MSANTD3: variants seen among roughly 807,000 people sequenced by gnomAD.
MSANTD3 encodes Myb/SANT DNA binding domain containing 3.
Under a neutral mutation model 27.7 loss-of-function variants are expected in MSANTD3, and 11 were observed. The observed-to-expected ratio is 0.40, with a 90% CI of 0.25 to 0.66. The LOEUF is 0.66. MSANTD3 is among the 30% of genes least tolerant of loss of function. The pLI is 0.41. For missense variants in MSANTD3, 250 were observed against 336.5 expected, an observed-to-expected ratio of 0.74 and a Z score of 2.01; for synonymous variants, 131 against 127.2, an observed-to-expected ratio of 1.03 and a Z score of -0.20.
intron 1 of MSANTD3, among the ~76,000 whole-genome samples, chr9:100,441,016 A>G (rs1338862426): frequency 1.2e-4 from 16 of 130,696 alleles, no homozygotes; most frequent in African/African-American, 4.1e-4. Flanking sequence ...GCTCACTGCA[A>G]CCTCCACCTC....
intron 1 of MSANTD3, among the ~76,000 whole-genome samples, chr9:100,430,625 A>G (rs560375978): frequency 6.6e-6 from 1 of 152,316 alleles, no homozygotes; most frequent in African/African-American, 2.4e-5. Context: ...GGAAGAGGGT[A>G]TGGAAGTTTG....
At chr9:100,432,345 G>A (rs1836395054) in intron 1 of MSANTD3, among the ~76,000 whole-genome samples, 1 of 152,206 alleles carries the variant, frequency 6.6e-6, no homozygotes, top group South Asian at 2.1e-4. Context: ...AGGCAGGTAA[G>A]AGTACTGTCC....
intron 2 of MSANTD3, chr9:100,448,555 G>A: frequency 7.1e-6 from 7 of 985,422 alleles, no homozygotes; most frequent in Non-Finnish European, 8.4e-6. Context: ...GGAGGGATGT[G>A]ACCCACTGCA....
rs756148704 is a variant in MSANTD3, at chr9:100,442,315, C to G, written c.377C>G (p.Pro126Arg). The G allele has an allele frequency of 6.2e-7, 1 of 1,613,848 alleles. No homozygotes were observed. The highest frequency in any genetic ancestry group is 1.1e-5 in the South Asian group (1 of 91,070). Residue 126 changes from proline (P) to arginine (R), a missense_variant, in exon 2 of 3, where the codon CCG becomes CGG. Pro to Arg is a moderately radical substitution (Grantham distance 103, BLOSUM62 -2). Coordinates refer to ENST00000395067, the MANE Select transcript of MSANTD3 (RefSeq NM_080655.3). ...CAGCTCTACTTCCTGCAGAGCCCCC[C>G]GGAGGAGGAGCCCGAATACCACCCC... is the stretch of plus-strand genomic sequence containing the variant. The part of the protein sequence containing the change: ...PEQLYFLQSP[P>R]EEEPEYHPDA...
intron 1 of MSANTD3, among the ~76,000 whole-genome samples, chr9:100,430,029 AC>A (rs566656914): frequency 1.5e-3 from 223 of 146,264 alleles, no homozygotes; most frequent in African/African-American, 5.4e-3. Context: ...ATGCTCCTTT[AC>A]CACCTAACTT....
At position 100,433,086 on chromosome 9, in the gene MSANTD3, A is replaced by C. The variant is rs78712218; in HGVS notation, c.-34+5693A>C. On this transcript the variant is annotated intron_variant, in intron 1 of 2. Coordinates refer to ENST00000395067, the MANE Select transcript of MSANTD3 (RefSeq NM_080655.3). ...TCGGGGAGGCTTGAGAGTACCTAGC[A>C]AAAAGGGCATCTTGATGGTGAGGGG... Among the ~76,000 whole-genome samples the C allele has an allele frequency of 6.7e-3, 1,022 of 152,242 alleles. 7 individuals are homozygous for C. Among genetic ancestry groups the C allele is most frequent in the African/African-American group, 0.024 (990 of 41,536 alleles).
intron 1 of MSANTD3, chr9:100,427,603 C>T (rs1450901348): frequency 4.6e-5 from 7 of 151,822 alleles, no homozygotes; most frequent in Non-Finnish European, 1.0e-4. Flanking sequence ...CTACAAAGCC[C>T]CGGGGCGCGG....
In MSANTD3 at chr9:100,441,841, TC is replaced by T; in HGVS notation, c.-33-64del. ...AGGGAATCAAGTCAGGAATTAAGCT[TC>T]AGTGATTTATAGGCATTGTTTTTGC... is the stretch of plus-strand genomic sequence containing the variant. On this transcript the variant is annotated intron_variant, in intron 1 of 2. Coordinates refer to ENST00000395067, the MANE Select transcript of MSANTD3 (RefSeq NM_080655.3). 2.0e-6 allele frequency: 3 copies of T among 1,479,528 alleles called. No homozygotes were observed. The South Asian group carries it at 4.3e-5, about 21-fold the overall frequency. The allele number at this position is 1,479,528 out of a possible 1,614,324, so 91.7% of individuals were successfully genotyped here.
chr9:100,440,769 CTT>C (rs1160767136), intron 1 of MSANTD3, among the ~76,000 whole-genome samples: 2 of 85,264 alleles, frequency 2.3e-5, no homozygotes, highest in Non-Finnish European at 4.9e-5. Context: ...TTTTTTTCTT[CTT>C]TTTCTTCCCT....
At chr9:100,444,133 C>T (rs77981340) in intron 2 of MSANTD3, 8,678 of 152,292 alleles carry the variant, frequency 0.057, 373 homozygotes, top group South Asian at 0.15. Flanking sequence ...TGTAGGCAGA[C>T]GATCCTGGAG....
At chr9:100,448,126 G>A in intron 2 of MSANTD3, 1 of 769,532 alleles carries the variant, frequency 1.3e-6, no homozygotes, top group South Asian at 6.1e-5. Context: ...GGGAGCCAGA[G>A]ATGGCAGTGA....
intron 2 of MSANTD3, among the ~76,000 whole-genome samples, chr9:100,447,271 T>C (rs756676981): frequency 7.2e-5 from 11 of 152,162 alleles, no homozygotes; most frequent in Non-Finnish European, 1.3e-4. Flanking sequence ...TTTCTATTCA[T>C]TGGAGCTAAT....
intron 1 of MSANTD3, among the ~76,000 whole-genome samples, chr9:100,430,615 G>T (rs941453726): frequency 6.6e-6 from 1 of 152,212 alleles, no homozygotes; most frequent in Admixed American, 6.5e-5. Flanking sequence ...GTAGTTGTGT[G>T]GAAGAGGGTA....
Position 100,440,633 on chromosome 9 carries a change from C to T in MSANTD3, c.-33-1273C>T, listed in dbSNP as rs1836592576. Among the ~76,000 whole-genome samples, 3 of 149,904 alleles carry T rather than the reference C, an allele frequency of 2.0e-5. No homozygotes were observed. The South Asian group carries it at 6.5e-4, about 32-fold the overall frequency. On this transcript the variant is annotated intron_variant, in intron 1 of 2. Transcript: ENST00000395067. ...TTGAGACAGTGTCTCCTTTGTCATCCAGGCTGGAGTGCGGTGGTGCAAACA... is the reference window on the plus strand; with the variant it reads ...TTGAGACAGTGTCTCCTTTGTCATCTAGGCTGGAGTGCGGTGGTGCAAACA...
intron 2 of MSANTD3, chr9:100,444,822 C>T (rs769958272): frequency 2.3e-5 from 4 of 172,248 alleles, no homozygotes; most frequent in Non-Finnish European, 3.7e-5. Context: ...TACTCATAAA[C>T]GTAATTTATA....
chr9:100,427,765 T>G (rs1836277990), intron 1 of MSANTD3, among the ~76,000 whole-genome samples: 1 of 152,148 alleles, frequency 6.6e-6, no homozygotes, highest in Admixed American at 6.5e-5. Context: ...ATCACTGTGC[T>G]CGGCGCTTTT....
chr9:100,443,419 A>ATT (rs1448317071), intron 2 of MSANTD3, among the ~76,000 whole-genome samples: 1 of 151,852 alleles, frequency 6.6e-6, no homozygotes, highest in Non-Finnish European at 1.5e-5. Flanking sequence ...AAAAAGAACT[A>ATT]TTTCAAACTT....
intron 1 of MSANTD3, 34 bp downstream of exon 1, chr9:100,427,427 G>T (rs1050504454): frequency 7.0e-6 from 1 of 141,936 alleles, no homozygotes; most frequent in Non-Finnish European, 1.6e-5. Flanking sequence ...GGCCGCAGCC[G>T]GGCGGGGGCG....
At chr9:100,446,654 C>T (rs1192540958) in intron 2 of MSANTD3, among the ~76,000 whole-genome samples, 1 of 152,006 alleles carries the variant, frequency 6.6e-6, no homozygotes, top group African/African-American at 2.4e-5. Context: ...GGCAAAACTC[C>T]TATCTTTACT....
Sources: gnomAD v4.1 joint callset for allele counts (sites outside exome capture counted in the v4.1 genomes callset) on GRCh38, gnomAD v4.1.1 for gene constraint, MANE v1.5 for transcripts, NCBI Gene and HGNC (gene_info 2026-07-23, HGNC 2026-07-21) for gene names.